SDK1: variants seen among roughly 807,000 people sequenced by gnomAD.
SDK1 encodes sidekick cell adhesion molecule 1, also known as protein sidekick-1.
A neutral mutation model predicts 245.5 loss-of-function variants in SDK1; 157 were observed. The ratio of observed to expected loss-of-function variants is 0.64; its 90% confidence interval spans 0.56 to 0.73. SDK1 has a LOEUF of 0.73. SDK1 is among the 30% of genes least tolerant of loss of function. The pLI is 0.00. For synonymous variants in SDK1, 1,647 were observed against 1,278.5 expected, an observed-to-expected ratio of 1.29 and a Z score of -6.15; for missense variants, 3,583 against 3,002.3, an observed-to-expected ratio of 1.19 and a Z score of -4.52.
chr7:4,090,043 G>T (rs974895608), intron 22 of SDK1, among the ~76,000 whole-genome samples: 2 of 152,164 alleles, frequency 1.3e-5, no homozygotes, highest in Non-Finnish European at 2.9e-5. Flanking sequence ...CCTAGGTGAC[G>T]CATTTTTGGC....
chr7:4,057,757 C>G (rs796278438), intron 19 of SDK1, among the ~76,000 whole-genome samples: 1 of 152,200 alleles, frequency 6.6e-6, no homozygotes, highest in Admixed American at 6.5e-5. Context: ...TACTAACAAC[C>G]ACACCCTAAG....
chr7:3,434,227 G>C (rs1311100230), intron 1 of SDK1, among the ~76,000 whole-genome samples: 4 of 152,214 alleles, frequency 2.6e-5, no homozygotes, highest in Non-Finnish European at 5.9e-5. Context: ...CAGCGTGATG[G>C]AGAGAAGATT....
intron 40 of SDK1, among the ~76,000 whole-genome samples, chr7:4,231,188 G>A (rs1295725348): frequency 6.6e-6 from 1 of 152,156 alleles, no homozygotes; most frequent in Non-Finnish European, 1.5e-5. Flanking sequence ...GAGAAAGAAG[G>A]TAGGCTTAGG....
chr7:3,431,059 C>A (rs1165399765), intron 1 of SDK1, among the ~76,000 whole-genome samples: 2 of 152,100 alleles, frequency 1.3e-5, no homozygotes, highest in Non-Finnish European at 2.9e-5. Context: ...TGCTGCCACG[C>A]CTGGCTAATT....
intron 1 of SDK1, among the ~76,000 whole-genome samples, chr7:3,399,906 C>T (rs1041000233): frequency 1.3e-5 from 2 of 152,194 alleles, no homozygotes; most frequent in South Asian, 4.1e-4. Context: ...CTGGTATGGC[C>T]GACTTAATAG....
intron 32 of SDK1, among the ~76,000 whole-genome samples, chr7:4,166,915 C>T (rs981373532): frequency 4.6e-5 from 7 of 152,270 alleles, no homozygotes; most frequent in African/African-American, 1.2e-4. Flanking sequence ...CCGAGGTCAC[C>T]GTTCAGGCAG....
At chr7:3,841,407 G>T (rs2115088496) in intron 5 of SDK1, among the ~76,000 whole-genome samples, 1 of 152,212 alleles carries the variant, frequency 6.6e-6, no homozygotes, top group African/African-American at 2.4e-5. Flanking sequence ...AGGAGTTCTG[G>T]AGCAAAACCA....
chr7:3,822,869 G>A (rs902061108), intron 5 of SDK1, among the ~76,000 whole-genome samples: 4 of 152,070 alleles, frequency 2.6e-5, no homozygotes, highest in Non-Finnish European at 4.4e-5. Context: ...CAGTAGAATT[G>A]CCTGGGTGAA....
At chr7:3,951,482 G>A (rs1338665422) in intron 6 of SDK1, among the ~76,000 whole-genome samples, 3 of 152,168 alleles carry the variant, frequency 2.0e-5, no homozygotes, top group African/African-American at 7.2e-5. Context: ...GGGATCATTA[G>A]CACTTATGGT....
chr7:3,809,384 A>G (rs1426198779), intron 4 of SDK1, among the ~76,000 whole-genome samples: 6 of 152,126 alleles, frequency 3.9e-5, no homozygotes, highest in South Asian at 2.1e-4. Context: ...ACAGTTCAAC[A>G]TGAGATTTGG....
chr7:3,469,271 C>G (rs181917246), intron 1 of SDK1, among the ~76,000 whole-genome samples: 4 of 152,126 alleles, frequency 2.6e-5, no homozygotes, highest in African/African-American at 9.6e-5. Flanking sequence ...AAAAATAAAA[C>G]AAATGAAACA....
In SDK1 at chr7:3,691,901, A is replaced by G. The variant is rs187726930; in HGVS notation, c.713+49796A>G. The stretch of plus-strand genomic sequence containing the variant: ...GGTGTCTTTAAGAAGGTAATAGCTT[A>G]TCTGAGCCTTTTATCCTGCAGGATT... On this transcript the variant is annotated intron_variant, in intron 4 of 44. Transcript: ENST00000404826. 2.5e-3 allele frequency among the ~76,000 whole-genome samples: 387 copies of G among 152,302 alleles called. 2 individuals are homozygous for G. The highest frequency in any genetic ancestry group is 9.0e-3 in the African/African-American group (375 of 41,568).
intron 5 of SDK1, among the ~76,000 whole-genome samples, chr7:3,947,530 T>TTGTGTGTG (rs745830597): frequency 0.03 from 4,143 of 140,406 alleles, 84 homozygotes; most frequent in Admixed American, 0.055. Flanking sequence ...AAGTATTTGC[T>TTGTGTGTG]TGTGTGTGTG....
At chr7:3,578,115 C>A (rs1470200226) in intron 1 of SDK1, among the ~76,000 whole-genome samples, 1 of 151,958 alleles carries the variant, frequency 6.6e-6, no homozygotes, top group Non-Finnish European at 1.5e-5. Flanking sequence ...GAACCCACCC[C>A]CAATATTTCA....
intron 2 of SDK1, among the ~76,000 whole-genome samples, chr7:3,627,054 C>T (rs1782144452): frequency 6.6e-6 from 1 of 151,990 alleles, no homozygotes; most frequent in Non-Finnish European, 1.5e-5. Context: ...CAGCTTCCCA[C>T]GTAGCTAGGG....
intron 1 of SDK1, among the ~76,000 whole-genome samples, chr7:3,582,335 C>T (rs186123105): frequency 6.7e-6 from 1 of 148,418 alleles, no homozygotes; most frequent in Admixed American, 6.6e-5. Flanking sequence ...GTAGGTCTGT[C>T]TCAGGTAGGT....
chr7:3,994,641 C>G (rs1227685773), intron 14 of SDK1, among the ~76,000 whole-genome samples: 1 of 89,084 alleles, frequency 1.1e-5, no homozygotes, highest in Non-Finnish European at 2.6e-5. Context: ...GACTTCATCT[C>G]AAAAAAAAAA....
At chr7:4,142,933 A>G (rs1779674916) in intron 28 of SDK1, among the ~76,000 whole-genome samples, 1 of 152,220 alleles carries the variant, frequency 6.6e-6, no homozygotes, top group Non-Finnish European at 1.5e-5. Flanking sequence ...TTCCAGGCAG[A>G]ACACAGCCGC....
chr7:3,707,265 T>C lies in SDK1; in HGVS notation c.713+65160T>C, dbSNP rs1489389538. On this transcript the variant is annotated intron_variant, in intron 4 of 44. Transcript: ENST00000404826. ...TGATAACTTGTGTCACTGTTATTTA[T>C]TTCAAAGAATTTTTAAATTTCCATC... Among the ~76,000 whole-genome samples, 4 of 152,358 alleles carry C rather than the reference T, an allele frequency of 2.6e-5. No individual in the cohort carries two copies. The East Asian group carries it at 7.7e-4, about 29-fold the overall frequency.
Sources: gnomAD v4.1 joint callset for allele counts (sites outside exome capture counted in the v4.1 genomes callset) on GRCh38, gnomAD v4.1.1 for gene constraint, MANE v1.5 for transcripts, NCBI Gene and HGNC (gene_info 2026-07-23, HGNC 2026-07-21) for gene names.